TRIM62: variants seen among roughly 807,000 people sequenced by gnomAD.
TRIM62 encodes tripartite motif containing 62, also known as E3 ubiquitin-protein ligase TRIM62.
In TRIM62, 39 loss-of-function variants were observed where a neutral mutation model predicts 44.2. The ratio of observed to expected loss-of-function variants is 0.88; its 90% CI spans 0.68 to 1.15. TRIM62 has a LOEUF of 1.15. TRIM62 is among the 50% of genes most tolerant of loss of function. The pLI, the probability that TRIM62 is intolerant of heterozygous loss-of-function variation, is 0.00. For synonymous variants in TRIM62, 278 were observed against 292.3 expected (o/e 0.95, Z 0.50); for missense variants, 544 against 665.5 (o/e 0.82, Z 2.01).
At chr1:33,158,686 G>T (rs1392769461) in intron 3 of TRIM62, among the ~76,000 whole-genome samples, 1 of 152,186 alleles carries the variant, frequency 6.6e-6, no homozygotes, top group Non-Finnish European at 1.5e-5. Context: ...TTAGCAATCA[G>T]TATTGATCAC....
chr1:33,171,982 A>T (rs1645378157), intron 1 of TRIM62, among the ~76,000 whole-genome samples: 1 of 152,096 alleles, frequency 6.6e-6, no homozygotes, highest in East Asian at 1.9e-4. Context: ...GGGTTTCACC[A>T]TGTTGGTCAG....
At position 33,159,781 on chromosome 1, in the gene TRIM62, C is replaced by T. The variant is rs570152510; in HGVS notation, c.668G>A (p.Arg223His). ...QKVQRYSQQLRKVQEGAQILQ... is the reference protein window; with the variant it reads ...QKVQRYSQQLHKVQEGAQILQ... ...GATCTGGGCTCCCTCCTGGACCTTG[C>T]GCAGCTGCTGGCTGTAGCGCTGGAC... is the stretch of plus-strand genomic sequence containing the variant. Residue 223 changes from arginine to histidine, a missense_variant, in exon 3 of 5, where the codon CGC (arginine) becomes CAC (histidine). By Grantham distance (29) the Arg-to-His change is conservative. Transcript: ENST00000291416. This position sits in a 1 kb window ranked among gnomAD's most constrained non-coding sequence, Gnocchi z 4.2. The T allele has an allele frequency of 4.6e-5, 74 of 1,613,736 alleles. No homozygotes were observed. The highest frequency in any genetic ancestry group is 6.0e-5 in the Non-Finnish European group (71 of 1,179,972).
chr1:33,161,823 T>C lies in TRIM62; in HGVS notation c.505-1879A>G, dbSNP rs654336. On this transcript the variant is annotated intron_variant, in intron 2 of 4. Coordinates refer to ENST00000291416, the MANE Select transcript of TRIM62 (RefSeq NM_018207.3). The surrounding 1 kb of genome is among the most constrained non-coding windows in gnomAD (Gnocchi z 4.3). ...ACTTAGCCCACTCGCCACCCTCTCC[T>C]AGTTGAAAGTTCTGCTTTGCCTCCC... Among the ~76,000 whole-genome samples the C allele has an allele frequency of 0.7, 106,194 of 152,110 alleles. 37,484 individuals are homozygous for C. The highest frequency in any genetic ancestry group is 0.75 in the Non-Finnish European group (51,013 of 67,998).
intron 1 of TRIM62, among the ~76,000 whole-genome samples, chr1:33,178,606 C>T: frequency 6.6e-6 from 1 of 152,194 alleles, no homozygotes; most frequent in East Asian, 1.9e-4. Context: ...AGGTTAATCC[C>T]AGGTCAGCTT....
intron 4 of TRIM62, among the ~76,000 whole-genome samples, chr1:33,151,916 C>G (rs1463559226): frequency 6.6e-6 from 1 of 152,346 alleles, no homozygotes; most frequent in African/African-American, 2.4e-5. Context: ...TCTTTGTTCT[C>G]AAGAACAGAG....
At chr1:33,171,645 T>A (rs1309679873) in intron 1 of TRIM62, among the ~76,000 whole-genome samples, 1 of 152,130 alleles carries the variant, frequency 6.6e-6, no homozygotes, top group Non-Finnish European at 1.5e-5. Context: ...GGAAGAAACT[T>A]GAATAGGTAA....
At chr1:33,157,579 C>T (rs1004294414) in intron 4 of TRIM62, among the ~76,000 whole-genome samples, 6 of 152,044 alleles carry the variant, frequency 3.9e-5, no homozygotes, top group Admixed American at 2.6e-4. Context: ...ATGTAAGATG[C>T]GTGAGGGCAG....
Position 33,181,473 on chromosome 1 carries a change from G to A in TRIM62, c.-41C>T. 6.5e-7 allele frequency: 1 copy of A among 1,540,544 alleles called. No individual in the cohort carries two copies. Among genetic ancestry groups the A allele is most frequent in the Non-Finnish European group, 8.7e-7 (1 of 1,153,480 alleles). ...AGAGAGGGGGGCCCGAGGGGCAGGG[G>A]GGCGGCTGAGAGAGCGCGGCGCTGT... is the stretch of plus-strand genomic sequence containing the variant. On this transcript the variant is annotated 5_prime_UTR_variant, in exon 1 of 5. Coordinates refer to ENST00000291416, the MANE Select transcript of TRIM62 (RefSeq NM_018207.3). This position sits in a 1 kb window ranked among gnomAD's most constrained non-coding sequence, Gnocchi z 6.5.
chr1:33,148,979 CT>C (rs1415705381), intron 4 of TRIM62, among the ~76,000 whole-genome samples: 2 of 152,160 alleles, frequency 1.3e-5, no homozygotes, highest in African/African-American at 4.8e-5. Context: ...CTTCTGCCCC[CT>C]ACCCCACTTA....
chr1:33,170,758 G>C (rs771219822), intron 1 of TRIM62, among the ~76,000 whole-genome samples: 1 of 152,204 alleles, frequency 6.6e-6, no homozygotes, highest in Non-Finnish European at 1.5e-5. Flanking sequence ...TTAGAAGACT[G>C]GCTCTACCAC....
At chr1:33,173,164 G>A (rs552171987) in intron 1 of TRIM62, among the ~76,000 whole-genome samples, 2 of 152,040 alleles carry the variant, frequency 1.3e-5, no homozygotes, top group African/African-American at 4.8e-5. Flanking sequence ...CAACAGACTG[G>A]AATTATTTTA....
chr1:33,169,350 G>C (rs1300036710), intron 1 of TRIM62, among the ~76,000 whole-genome samples: 1 of 152,144 alleles, frequency 6.6e-6, no homozygotes, highest in African/African-American at 2.4e-5. Context: ...CCAGTCACTA[G>C]GTTTGCTCTG....
In TRIM62 at chr1:33,179,348, C is replaced by T. The variant is rs531764834; in HGVS notation, c.408+1677G>A. On this transcript the variant is annotated intron_variant, in intron 1 of 4. Coordinates refer to ENST00000291416, the MANE Select transcript of TRIM62 (RefSeq NM_018207.3). ...TGAGATAAAAGGGACAGGGAAGGAG[C>T]GATGGTGAACATGGGCCATTTCTCC... Among the ~76,000 whole-genome samples the T allele has an allele frequency of 7.2e-4, 110 of 152,276 alleles. 1 individual carries two copies. Among genetic ancestry groups the T allele is most frequent in the Non-Finnish European group, 1.3e-3 (91 of 68,012 alleles).
intron 1 of TRIM62, among the ~76,000 whole-genome samples, chr1:33,174,998 C>CGT (rs1645405538): frequency 9.8e-5 from 4 of 40,706 alleles, no homozygotes; most frequent in African/African-American, 3.2e-4. Flanking sequence ...TGCACACACA[C>CGT]ATGTATGTAT....
At chr1:33,171,557 T>C (rs1645374758) in intron 1 of TRIM62, among the ~76,000 whole-genome samples, 1 of 152,180 alleles carries the variant, frequency 6.6e-6, no homozygotes, top group Non-Finnish European at 1.5e-5. Flanking sequence ...GAGTACCCAA[T>C]GAGTGTCAGG....
At position 33,165,581 on chromosome 1, in the gene TRIM62, G is replaced by T; in HGVS notation, c.409-15C>A. 6.3e-7 allele frequency: 1 copy of T among 1,594,784 alleles called. No homozygotes were observed. The highest frequency in any genetic ancestry group is 2.3e-5 in the East Asian group (1 of 44,000). On this transcript the variant is annotated splice_polypyrimidine_tract_variant and intron_variant, in intron 1 of 4. Coordinates refer to ENST00000291416, the MANE Select transcript of TRIM62 (RefSeq NM_018207.3). The surrounding 1 kb of genome is among the most constrained non-coding windows in gnomAD (Gnocchi z 4.0). ...TTCAGCTCCCTCTGAAACACACACA[G>T]GGCCGGGATGGGGGCAGGGGCCATG...
At chr1:33,157,680 G>A (rs1370815415) in intron 4 of TRIM62, among the ~76,000 whole-genome samples, 1 of 152,010 alleles carries the variant, frequency 6.6e-6, no homozygotes, top group Non-Finnish European at 1.5e-5. Flanking sequence ...TATAGAAGGA[G>A]TCTATGAAGT....
At chr1:33,170,634 A>C (rs1454218827) in intron 1 of TRIM62, among the ~76,000 whole-genome samples, 1 of 152,152 alleles carries the variant, frequency 6.6e-6, no homozygotes, top group Non-Finnish European at 1.5e-5. Context: ...CTAGGTGCAG[A>C]GCCCAAAGAA....
chr1:33,178,517 A>G (rs1645438344), intron 1 of TRIM62, among the ~76,000 whole-genome samples: 1 of 152,194 alleles, frequency 6.6e-6, no homozygotes, highest in African/African-American at 2.4e-5. Context: ...TGGGCACATG[A>G]GCTCTCACAG....
Sources: gnomAD v4.1 joint callset for allele counts (sites outside exome capture counted in the v4.1 genomes callset) on GRCh38, gnomAD v4.1.1 for gene constraint, Gnocchi (gnomAD v3.1) non-coding constraint, MANE v1.5 for transcripts, NCBI Gene and HGNC (gene_info 2026-07-23, HGNC 2026-07-21) for gene names.